Variants in RPL9 observed in about 807,000 individuals in gnomAD.
The protein encoded by RPL9 is ribosomal protein L9.
For synonymous variants in RPL9, 82 were observed against 77.1 expected, an observed-to-expected ratio of 1.06 and a Z score of -0.33; for missense variants, 149 against 236.7, an observed-to-expected ratio of 0.63 and a Z score of 2.43.
chr4:39,454,802 T>C, intron 6 of RPL9, 62 bp downstream of exon 6: 1 of 1,549,870 alleles, frequency 6.5e-7, no homozygotes, highest in Non-Finnish European at 8.8e-7. Context: ...CAAAATACTG[T>C]ATTTTAAACA....
rs765381464 is a variant in RPL9 at position 39,458,406 on chromosome 4, T to C, written c.34A>G (p.Ile12Val). The change falls in exon 2 of 8, where the codon ATT becomes GTT. Residue 12 changes from isoleucine to valine, a missense_variant. By Grantham distance (29) the Ile-to-Val change is conservative. Coordinates refer to ENST00000295955, the MANE Select transcript of RPL9 (RefSeq NM_000661.5). ...KTILSNQTVD[I>V]PENVDITLKG... is the part of the protein sequence containing the mutation. ...TCAAGTCTCATACCATTTTCTGGAA[T>C]GTCGACAGTCTGATTGCTGAGAATA... 6.2e-7 allele frequency: 1 copy of C among 1,614,230 alleles called. No homozygotes were observed. The highest frequency in any genetic ancestry group is 1.1e-5 in the South Asian group (1 of 91,090).
chr4:39,456,481 G>C lies in RPL9; in HGVS notation c.316C>G (p.Gln106Glu). The C allele has an allele frequency of 6.2e-7, 1 of 1,614,042 alleles. No individual in the cohort carries two copies. The highest frequency in any genetic ancestry group is 8.5e-7 in the Non-Finnish European group (1 of 1,179,940). Residue 106 changes from glutamine (Q) to glutamate (E), a missense_variant, in exon 5 of 8, where the codon CAG (glutamine) becomes GAG (glutamate). Physicochemically the swap from Gln to Glu is conservative, Grantham distance 29. Coordinates refer to ENST00000295955, the MANE Select transcript of RPL9 (RefSeq NM_000661.5). Reference protein sequence around the residue: ...YAHFPINVVIQENGSLVEIRN... With the variant: ...YAHFPINVVIEENGSLVEIRN... ...ATTTCAACAAGAGACCCATTCTCCT[G>C]GATAACAACGTTGATGGGGAAGTGA...
chr4:39,458,164 C>T, intron 3 of RPL9, 30 bp downstream of exon 3: 1 of 1,608,078 alleles, frequency 6.2e-7, no homozygotes, highest in East Asian at 2.2e-5. Flanking sequence ...TTCCAACGAG[C>T]AACTGAATTA....
rs778658228 is a variant in RPL9, at chr4:39,457,616, A to G, written c.228T>C (p.His76=). Residue 76 remains histidine (H), a synonymous_variant, in exon 4 of 8, where the codon CAT becomes CAC. Coordinates refer to ENST00000295955, the MANE Select transcript of RPL9 (RefSeq NM_000661.5). ...ELATVRTICS[H]VQNMIKGVTL... is the part of the protein sequence containing the mutation. ...TAACACCCTTGATCATGTTCTGTAC[A>G]TGACTACAAATAGTCCGAACGGTAG... The G allele has an allele frequency of 1.2e-5, 19 of 1,614,028 alleles. No individual in the cohort carries two copies. The highest frequency in any genetic ancestry group is 1.6e-4 in the Middle Eastern group (1 of 6,080).
chr4:39,458,817 G>T (rs1744250442), intron 1 of RPL9, 74 bp downstream of exon 1: 4 of 688,722 alleles, frequency 5.8e-6, no homozygotes, highest in Non-Finnish European at 1.1e-5. Flanking sequence ...GAGAGTGGGA[G>T]CCGCGCCGCA....
In RPL9 at chr4:39,456,213, G is replaced by A. The variant is rs936225783; in HGVS notation, c.391+193C>T. On this transcript the variant is annotated intron_variant, in intron 5 of 7. Coordinates refer to ENST00000295955, the MANE Select transcript of RPL9 (RefSeq NM_000661.5). ...GTATCAACTTTCTGAAATTGTAATC[G>A]ACATAATGATATAAACCCTTAAGTA... is the stretch of plus-strand genomic sequence containing the variant. 4.6e-5 allele frequency: 29 copies of A among 628,620 alleles called. 2 individuals are homozygous for A. Among genetic ancestry groups the A allele is most frequent in the South Asian group, 3.9e-4 (21 of 53,544 alleles). The allele number at this position is 628,620 out of a possible 1,614,324, so 38.9% of individuals were successfully genotyped here.
chr4:39,456,350 G>A (rs898445313), intron 5 of RPL9, 56 bp downstream of exon 5: 63 of 1,602,694 alleles, frequency 3.9e-5, no homozygotes, highest in Non-Finnish European at 5.1e-5. Flanking sequence ...AGTGGAAAAG[G>A]AGGAAAAAAA....
rs1744165494 is a variant in RPL9 at position 39,457,707 on chromosome 4, T to C, written c.163-26A>G. On this transcript the variant is annotated intron_variant, in intron 3 of 7. Coordinates refer to ENST00000295955, the MANE Select transcript of RPL9 (RefSeq NM_000661.5). ...CTGTAACAGAACAAAAAATGTATTC[T>C]TTCCAGAAATATGCAGGCTTAAAAG... 1.9e-6 allele frequency: 3 copies of C among 1,577,484 alleles called. No homozygotes were observed. The East Asian group carries it at 6.7e-5, about 35-fold the overall frequency.
chr4:39,458,535 G>A, intron 1 of RPL9, 95 bp from the exon 2 acceptor site: 1 of 1,362,268 alleles, frequency 7.3e-7, no homozygotes, highest in Non-Finnish European at 1.0e-6. Flanking sequence ...AGACTGCCAG[G>A]CGGAAGTTCC....
chr4:39,455,275 G>T, intron 5 of RPL9: 1 of 198,746 alleles, frequency 5.0e-6, no homozygotes, highest in Non-Finnish European at 1.0e-5. Context: ...TTGAAGCCAG[G>T]AGGCAGGGGT....
chr4:39,458,527 A>C, intron 1 of RPL9, 87 bp from the exon 2 acceptor site: 1 of 1,415,444 alleles, frequency 7.1e-7, no homozygotes, highest in Non-Finnish European at 9.8e-7. Context: ...CCTACTGGAG[A>C]CTGCCAGGCG....
intron 4 of RPL9, 102 bp downstream of exon 4, chr4:39,457,484 A>G: frequency 2.0e-6 from 2 of 1,024,230 alleles, no homozygotes; most frequent in Non-Finnish European, 3.0e-6. Flanking sequence ...ACACCAAATA[A>G]AATACATGAC....
At chr4:39,458,767 T>C in intron 1 of RPL9, 124 bp downstream of exon 1, 2 of 679,302 alleles carry the variant, frequency 2.9e-6, no homozygotes, top group Non-Finnish European at 5.4e-6. Flanking sequence ...CAGGCTCATA[T>C]GGCGCTTGCC....
intron 4 of RPL9, 54 bp downstream of exon 4, chr4:39,457,532 C>T (rs749353727): frequency 3.6e-6 from 5 of 1,384,952 alleles, no homozygotes; most frequent in Non-Finnish European, 4.1e-6. Flanking sequence ...GTATAAAGCA[C>T]AGGTTTGAGA....
chr4:39,458,082 T>C, intron 3 of RPL9, 112 bp downstream of exon 3: 1 of 1,055,132 alleles, frequency 9.5e-7, no homozygotes, highest in Non-Finnish European at 1.4e-6. Context: ...ACAGCAACAT[T>C]TAAAGCTGAA....
chr4:39,458,058 G>C, intron 3 of RPL9, 136 bp downstream of exon 3: 2 of 875,090 alleles, frequency 2.3e-6, no homozygotes, highest in Non-Finnish European at 3.7e-6. Flanking sequence ...TCACTGAACA[G>C]GCTGGTATTC....
intron 4 of RPL9, 23 bp downstream of exon 4, chr4:39,457,563 G>A: frequency 1.3e-6 from 2 of 1,587,658 alleles, no homozygotes; most frequent in South Asian, 2.2e-5. Context: ...TCCAAAACAA[G>A]GAAGTCTGAT....
rs1356239896 is a variant in RPL9, at chr4:39,458,908, A to G, written c.-19T>C. ...ATCCTTACCTCGCAGTAGACGCAGC[A>G]AAGAAAGAACGTCTGTCGTCATTAC... On this transcript the variant is annotated 5_prime_UTR_variant, in exon 1 of 8. Coordinates refer to ENST00000295955, the MANE Select transcript of RPL9 (RefSeq NM_000661.5). The G allele has an allele frequency of 7.0e-6, 5 of 709,538 alleles. No homozygotes were observed. Among genetic ancestry groups the G allele is most frequent in the Admixed American group, 4.0e-5 (2 of 50,066 alleles). The allele number at this position is 709,538 out of a possible 1,614,324, so 44.0% of individuals were successfully genotyped here. A position where few individuals can be genotyped will look rare whatever the true frequency, so the allele number is the denominator to read the frequency against.
rs1744224804 is a variant in RPL9, at chr4:39,458,498, C to T, written c.-1-58G>A. 3.2e-6 allele frequency: 5 copies of T among 1,570,302 alleles called. No individual in the cohort carries two copies. The East Asian group carries it at 1.1e-4, about 35-fold the overall frequency. On this transcript the variant is annotated intron_variant, in intron 1 of 7. Transcript: ENST00000295955. The stretch of plus-strand genomic sequence containing the variant: ...CAAGGCCCGTTTTTCCACCAAACTA[C>T]GCCGCACAGAGCTCCACTCCTACTG...
Sources: allele counts gnomAD v4.1 joint callset, GRCh38; gene constraint gnomAD v4.1.1; transcripts MANE v1.5; gene names NCBI Gene and HGNC (gene_info 2026-07-23, HGNC 2026-07-21).